The following ASPHD1 variants were observed in gnomAD, a reference collection of about 807,000 sequenced individuals.
ASPHD1 encodes aspartate beta-hydroxylase domain containing 1, also known as aspartate beta-hydroxylase domain-containing protein 1.
In ASPHD1, 20 loss-of-function variants were observed where a neutral mutation model predicts 28.3. The ratio of observed to expected loss-of-function variants is 0.71; its 90% CI spans 0.50 to 1.03. The LOEUF (loss-of-function observed/expected upper bound fraction) is 1.03, where lower values mean the gene tolerates loss of function less well. Among genes scored for constraint, ASPHD1 ranks in the 50% least tolerant of loss-of-function variants. The pLI is 0.00. For missense variants in ASPHD1, 479 were observed against 524.1 expected (o/e 0.91, Z 0.84); for synonymous variants, 240 against 221.2 (o/e 1.08, Z -0.75).
chr16:29,919,733 T>A (rs2068873748), downstream of ASPHD1: 1 of 151,690 alleles, frequency 6.6e-6, no homozygotes, highest in Admixed American at 6.6e-5. Flanking sequence ...GATTGTATTT[T>A]GGCAAGCAAA....
chr16:29,908,419 C>T (rs1470487365), downstream of ASPHD1, among the ~76,000 whole-genome samples: 4 of 152,044 alleles, frequency 2.6e-5, no homozygotes, highest in Admixed American at 2.0e-4. Flanking sequence ...GAGTCTTGCT[C>T]TGTCACCCAG....
At position 29,911,788 on chromosome 16, in the gene ASPHD1, C is replaced by T. The variant is rs988016113; in HGVS notation, c.*62+5829C>T. 6 of 1,611,460 alleles carry T rather than the reference C, an allele frequency of 3.7e-6. No individual in the cohort carries two copies. The South Asian group carries it at 6.6e-5, about 18-fold the overall frequency. ...GGCTGTGCTGCATCCCAGGGTCCCG[C>T]CCAGTGCCCCGCACCCCGGCGGTCA... On this transcript the variant is annotated intron_variant and NMD_transcript_variant, in intron 3 of 3. Coordinates refer to the ASPHD1 transcript ENST00000414952.
At chr16:29,918,404 A>G (rs1567445259) in intron 3 of ASPHD1, among the ~76,000 whole-genome samples, 1 of 152,240 alleles carries the variant, frequency 6.6e-6, no homozygotes, top group Admixed American at 6.5e-5. Flanking sequence ...CGTGAAATAC[A>G]TACATAATAT....
rs753568043 is a variant in ASPHD1, at chr16:29,901,050, A to G, written c.79A>G (p.Lys27Glu). ...ERETAQSGMW[K>E]GNSPAGSQGA... ...AGAGACAGCCCAGAGTGGAATGTGG[A>G]AGGGAAACAGTCCAGCGGGGAGCCA... Residue 27 changes from lysine to glutamate, a missense_variant, in exon 1 of 3, where the codon AAG becomes GAG. Physicochemically the swap from Lys to Glu is moderately conservative, Grantham distance 56. Transcript: ENST00000308748. This position sits in a 1 kb window ranked among gnomAD's most constrained non-coding sequence, Gnocchi z 5.1. The G allele has an allele frequency of 6.2e-7, 1 of 1,600,774 alleles. No individual in the cohort carries two copies. Among genetic ancestry groups the G allele is most frequent in the Non-Finnish European group, 8.5e-7 (1 of 1,173,484 alleles).
At chr16:29,907,159 G>A (rs1163452498), downstream of ASPHD1, 9 of 1,344,398 alleles carry the variant, frequency 6.7e-6, no homozygotes, top group Non-Finnish European at 9.4e-6. Flanking sequence ...CAGTCACGCA[G>A]GGCCATCCCC....
chr16:29,905,720 T>C (rs1470184384), intron 2 of ASPHD1, 68 bp from the exon 3 acceptor site: 3 of 1,019,396 alleles, frequency 2.9e-6, no homozygotes, highest in Non-Finnish European at 3.1e-6. Flanking sequence ...TTATGGTGTT[T>C]GGTGAGTGCT....
At chr16:29,911,577 G>T in intron 3 of ASPHD1, 1 of 595,320 alleles carries the variant, frequency 1.7e-6, no homozygotes, top group East Asian at 2.8e-5. Context: ...GAGCACTTGG[G>T]ATAGGCTCGC....
In ASPHD1 at chr16:29,900,787, A is replaced by G; in HGVS notation, c.-185A>G. The G allele has an allele frequency of 3.2e-6, 2 of 620,182 alleles. No homozygotes were observed. The highest frequency in any genetic ancestry group is 3.0e-5 in the Admixed American group (1 of 33,466). The allele number at this position is 620,182 out of a possible 1,614,324, so 38.4% of individuals were successfully genotyped here. A position where few individuals can be genotyped will look rare whatever the true frequency, so the allele number is the denominator to read the frequency against. On this transcript the variant is annotated 5_prime_UTR_variant, in exon 1 of 3. Transcript: ENST00000308748. ...GAGCTAGGAGGAAGCGGGGAGAGAG[A>G]GCGAGCGAAAAGCGGGGGTGGGGAG...
intron 1 of ASPHD1, among the ~76,000 whole-genome samples, chr16:29,904,407 C>T (rs2068581091): frequency 6.6e-6 from 1 of 151,536 alleles, no homozygotes; most frequent in Admixed American, 6.6e-5. Flanking sequence ...GATCATGCCA[C>T]TGCACTCCAA....
chr16:29,907,876 G>A (rs549708820), downstream of ASPHD1, among the ~76,000 whole-genome samples: 15 of 152,036 alleles, frequency 9.9e-5, 1 homozygote, highest in African/African-American at 3.4e-4. Flanking sequence ...GGTGTCTCCT[G>A]ACTGTAATCC....
At chr16:29,903,248 C>A (rs967822489) in intron 1 of ASPHD1, among the ~76,000 whole-genome samples, 5 of 151,814 alleles carry the variant, frequency 3.3e-5, no homozygotes, top group Non-Finnish European at 1.5e-5. Flanking sequence ...CCCAGCTACT[C>A]GGGAGGCCGA....
chr16:29,912,094 C>T (rs371270295), intron 3 of ASPHD1: 41 of 1,307,082 alleles, frequency 3.1e-5, no homozygotes, highest in Middle Eastern at 1.8e-4. Flanking sequence ...CCAAAGGCCA[C>T]GTACTCCCCC....
downstream of ASPHD1, chr16:29,907,081 C>G: frequency 6.2e-7 from 1 of 1,610,718 alleles, no homozygotes; most frequent in African/African-American, 1.3e-5. Flanking sequence ...AGGGTCTCCT[C>G]GAAGATCCGG....
chr16:29,907,461 T>C (rs1199460019), downstream of ASPHD1, among the ~76,000 whole-genome samples: 1 of 152,186 alleles, frequency 6.6e-6, no homozygotes, highest in Non-Finnish European at 1.5e-5. Flanking sequence ...GGAGGTTACA[T>C]TCTAGTGGGA....
intron 3 of ASPHD1, among the ~76,000 whole-genome samples, chr16:29,917,230 C>T (rs1403642315): frequency 6.6e-6 from 1 of 152,082 alleles, no homozygotes; most frequent in Non-Finnish European, 1.5e-5. Flanking sequence ...CTGTTTAATA[C>T]CTGGCACTGG....
At chr16:29,906,751 G>A, downstream of ASPHD1, 1 of 781,528 alleles carries the variant, frequency 1.3e-6, no homozygotes, top group South Asian at 1.6e-5. Context: ...GCCATGCAAT[G>A]AAGGGACAGA....
chr16:29,906,875 G>A, downstream of ASPHD1: 1 of 1,613,778 alleles, frequency 6.2e-7, no homozygotes, highest in Non-Finnish European at 8.5e-7. Context: ...TCAGAGGTCA[G>A]TCCTTGAAGA....
At chr16:29,905,662 A>G in intron 2 of ASPHD1, 126 bp from the exon 3 acceptor site, 1 of 418,472 alleles carries the variant, frequency 2.4e-6, no homozygotes, top group Non-Finnish European at 4.3e-6. Flanking sequence ...AAGATTTGAT[A>G]CATTTAAAGG....
At chr16:29,918,864 T>C (rs1053744242) in intron 3 of ASPHD1, among the ~76,000 whole-genome samples, 2 of 152,180 alleles carry the variant, frequency 1.3e-5, no homozygotes, top group Non-Finnish European at 2.9e-5. Flanking sequence ...TTCACCATGT[T>C]GGCCAGGCTG....
Sources: gnomAD v4.1 joint callset for allele counts (sites outside exome capture counted in the v4.1 genomes callset) on GRCh38, gnomAD v4.1.1 for gene constraint, Gnocchi (gnomAD v3.1) non-coding constraint, MANE v1.5 for transcripts, NCBI Gene and HGNC (gene_info 2026-07-23, HGNC 2026-07-21) for gene names.